GRIK1: variants seen among roughly 807,000 people sequenced by gnomAD.
GRIK1 encodes the protein glutamate receptor ionotropic, kainate 1.
GRIK1 carries 69 observed loss-of-function variants against 105.7 expected under a neutral mutation model. The ratio of observed to expected loss-of-function variants is 0.65; its 90% CI spans 0.54 to 0.80. The LOEUF (loss-of-function observed/expected upper bound fraction) is 0.80. GRIK1 is among the 30% of genes least tolerant of loss of function. GRIK1 has a pLI of 0.00. For missense variants in GRIK1, 1,109 were observed against 1,167.3 expected, an observed-to-expected ratio of 0.95 and a Z score of 0.73; for synonymous variants, 438 against 431.3, an observed-to-expected ratio of 1.02 and a Z score of -0.19.
chr21:29,701,901 A>T (rs1319983546), intron 1 of GRIK1, among the ~76,000 whole-genome samples: 1 of 152,210 alleles, frequency 6.6e-6, no homozygotes, highest in East Asian at 1.9e-4. Context: ...GGAGTTGAGG[A>T]TAACATCAGG....
rs112335824 is a variant in GRIK1 at position 29,591,836 on chromosome 21, A to G, written c.1252-611T>C. ...GGCCAAGGTGGGAGGATCTCTTGAGACCAGGTGTTCAAGGCCAGCCTGGGC... is the reference window on the plus strand; with the variant it reads ...GGCCAAGGTGGGAGGATCTCTTGAGGCCAGGTGTTCAAGGCCAGCCTGGGC... On this transcript the variant is annotated intron_variant, in intron 9 of 17. Transcript: ENST00000327783. Among the ~76,000 whole-genome samples, 792 of 152,150 alleles carry G rather than the reference A, an allele frequency of 5.2e-3. 7 individuals are homozygous for G. The highest frequency in any genetic ancestry group is 0.018 in the African/African-American group (749 of 41,486).
At chr21:29,847,119 C>T (rs1207399847) in intron 1 of GRIK1, among the ~76,000 whole-genome samples, 1 of 152,022 alleles carries the variant, frequency 6.6e-6, no homozygotes, top group East Asian at 1.9e-4. Context: ...GAACCATTTT[C>T]CTCTTCTTTA....
chr21:29,574,746 G>A (rs959228463), intron 14 of GRIK1, among the ~76,000 whole-genome samples: 4 of 146,074 alleles, frequency 2.7e-5, no homozygotes, highest in Non-Finnish European at 5.9e-5. Flanking sequence ...GGAGTGCAGT[G>A]GCGCAATCTC....
intron 12 of GRIK1, among the ~76,000 whole-genome samples, chr21:29,587,021 G>A (rs1211488001): frequency 2.6e-5 from 4 of 151,900 alleles, no homozygotes; most frequent in African/African-American, 9.7e-5. Context: ...CAAATATCTT[G>A]AGACCATTTT....
chr21:29,579,965 GTA>G lies in GRIK1; in HGVS notation c.1912+1458_1912+1459del, dbSNP rs58814385. The stretch of plus-strand genomic sequence containing the variant: ...CCTAAAAGTATATATATGTGTGTGT[GTA>G]TATATATATATATATGTGTGTATAT... On this transcript the variant is annotated intron_variant, in intron 13 of 17. Transcript: ENST00000327783. Among the ~76,000 whole-genome samples, 1,115 of 143,136 alleles carry G rather than the reference GTA, an allele frequency of 7.8e-3. 14 individuals are homozygous for G. The highest frequency in any genetic ancestry group is 0.029 in the African/African-American group (1,054 of 36,768). 93.9% of individuals were successfully genotyped at this position (143,136 alleles called of 152,430 possible).
chr21:29,618,769 A>T (rs1221025776), intron 7 of GRIK1, among the ~76,000 whole-genome samples: 2 of 152,206 alleles, frequency 1.3e-5, no homozygotes, highest in Admixed American at 1.3e-4. Context: ...TAGGAATAGA[A>T]AACCAAACAA....
At chr21:29,803,543 G>T (rs1029287410) in intron 1 of GRIK1, among the ~76,000 whole-genome samples, 8 of 152,058 alleles carry the variant, frequency 5.3e-5, no homozygotes, top group African/African-American at 1.9e-4. Flanking sequence ...AGACAATTTT[G>T]GGTATAAGCT....
intron 2 of GRIK1, among the ~76,000 whole-genome samples, chr21:29,690,830 C>T (rs932414585): frequency 1.3e-4 from 20 of 152,076 alleles, no homozygotes; most frequent in African/African-American, 4.6e-4. Context: ...TGGGATTCAT[C>T]CTATCATTTT....
intron 1 of GRIK1, among the ~76,000 whole-genome samples, chr21:29,853,993 G>T (rs989896893): frequency 3.9e-5 from 6 of 152,172 alleles, no homozygotes; most frequent in African/African-American, 1.4e-4. Flanking sequence ...TCTGAGCAAA[G>T]GCCTGAAGGA....
chr21:29,617,453 A>G (rs1329897970), intron 7 of GRIK1, among the ~76,000 whole-genome samples: 1 of 152,138 alleles, frequency 6.6e-6, no homozygotes, highest in African/African-American at 2.4e-5. Context: ...GTGTAGTGGG[A>G]GCTCAACAAT....
chr21:29,824,428 C>T (rs941286137), intron 1 of GRIK1, among the ~76,000 whole-genome samples: 2 of 151,620 alleles, frequency 1.3e-5, no homozygotes, highest in Non-Finnish European at 2.9e-5. Flanking sequence ...GACAAAAATA[C>T]CAATGAAAAG....
At chr21:29,706,437 T>C (rs1307478001) in intron 1 of GRIK1, among the ~76,000 whole-genome samples, 1 of 152,230 alleles carries the variant, frequency 6.6e-6, no homozygotes, top group Non-Finnish European at 1.5e-5. Context: ...CTGTATTTAC[T>C]ATTGTTCATA....
At chr21:29,688,938 G>A (rs1318254020) in intron 3 of GRIK1, among the ~76,000 whole-genome samples, 3 of 152,148 alleles carry the variant, frequency 2.0e-5, no homozygotes, top group African/African-American at 7.2e-5. Context: ...CAGGCAGTGA[G>A]GGAAGCTAGT....
intron 1 of GRIK1, among the ~76,000 whole-genome samples, chr21:29,825,874 A>G (rs1249338119): frequency 2.0e-5 from 3 of 152,110 alleles, no homozygotes; most frequent in Admixed American, 2.0e-4. Flanking sequence ...GAAAAATCGT[A>G]TTTGAATGCT....
At chr21:29,771,250 C>T (rs2065805173) in intron 1 of GRIK1, among the ~76,000 whole-genome samples, 1 of 152,100 alleles carries the variant, frequency 6.6e-6, no homozygotes, top group African/African-American at 2.4e-5. Context: ...TATGGCTGCC[C>T]TAAAAACAGC....
rs147502414 is a variant in GRIK1, at chr21:29,861,603, G to A, written c.118+77780C>T. On this transcript the variant is annotated intron_variant, in intron 1 of 17. Coordinates refer to ENST00000327783, the MANE Select transcript of GRIK1 (RefSeq NM_001330994.2). Reference sequence around the variant, plus strand: ...ATTATAGGTGTGAGCCAACACGCCCGGCTGCACTTACTCTTAATCAAACTC... The same window carrying A: ...ATTATAGGTGTGAGCCAACACGCCCAGCTGCACTTACTCTTAATCAAACTC... 94 of 326,844 alleles carry A rather than the reference G, an allele frequency of 2.9e-4. 1 individual carries two copies. Among genetic ancestry groups the A allele is most frequent in the African/African-American group, 1.2e-3 (37 of 31,588 alleles). The allele number at this position is 326,844 out of a possible 1,614,324, so 20.2% of individuals were successfully genotyped here. A position where few individuals can be genotyped will look rare whatever the true frequency, so the allele number is the denominator to read the frequency against.
At chr21:29,908,405 A>G (rs564513480) in intron 1 of GRIK1, among the ~76,000 whole-genome samples, 12 of 152,096 alleles carry the variant, frequency 7.9e-5, no homozygotes, top group Non-Finnish European at 1.6e-4. Context: ...GGCTGAATCT[A>G]CCTTGGTCCA....
chr21:29,798,540 C>T (rs1379202334), intron 1 of GRIK1, among the ~76,000 whole-genome samples: 1 of 152,130 alleles, frequency 6.6e-6, no homozygotes, highest in Non-Finnish European at 1.5e-5. Flanking sequence ...AAGTGAATTC[C>T]AGTCTTAACA....
chr21:29,782,957 T>A (rs542010879), intron 1 of GRIK1, among the ~76,000 whole-genome samples: 1 of 152,280 alleles, frequency 6.6e-6, no homozygotes, highest in African/African-American at 2.4e-5. Flanking sequence ...GGTGTGAAAT[T>A]GTTCCAGCAA....
Sources: gnomAD v4.1 joint callset for allele counts (sites outside exome capture counted in the v4.1 genomes callset) on GRCh38, gnomAD v4.1.1 for gene constraint, MANE v1.5 for transcripts, NCBI Gene and HGNC (gene_info 2026-07-23, HGNC 2026-07-21) for gene names.